The following B4GALNT2 variants were observed in gnomAD, a reference collection of about 807,000 sequenced individuals.
The protein encoded by B4GALNT2 is N-acetylneuraminylgalactosylglucosyl-glucoside beta-1,4-N- acetylgalactosaminyltransferase 2.
In B4GALNT2, 42 loss-of-function variants were observed where a neutral mutation model predicts 51.1. The observed-to-expected ratio is 0.82, with a 90% confidence interval of 0.64 to 1.06. The LOEUF (loss-of-function observed/expected upper bound fraction) is 1.06, where lower values mean the gene tolerates loss of function less well. B4GALNT2 is among the 50% of genes least tolerant of loss of function. The probability of loss-of-function intolerance (pLI) is 0.00; values close to 1 mark genes in which losing one functional copy is unlikely to be tolerated. For missense variants in B4GALNT2, 602 were observed against 633.6 expected, an observed-to-expected ratio of 0.95 and a Z score of 0.54; for synonymous variants, 253 against 251.7, an observed-to-expected ratio of 1.01 and a Z score of -0.05.
chr17:49,120,672 A>AT, the B4GALNT2 span, among the ~76,000 whole-genome samples: 6 of 150,830 alleles, frequency 4.0e-5, no homozygotes, highest in Non-Finnish European at 5.9e-5. Context: ...TGCCTGGCTA[A>AT]TTTTTTTTTG....
Position 49,171,959 on chromosome 17 carries a change from C to T in B4GALNT2, c.*2231C>T, listed in dbSNP as rs139413839. ...AACTGTGTCACACAGTGATTACATC[C>T]AGGCATTATTGCCAGCCAAGATTGA... On this transcript the variant is annotated 3_prime_UTR_variant, in exon 11 of 11. Coordinates refer to ENST00000393354, the MANE Select transcript of B4GALNT2 (RefSeq NM_001159387.2). 0.096 allele frequency: 25,602 copies of T among 265,416 alleles called. 1,560 individuals are homozygous for T. Among genetic ancestry groups the T allele is most frequent in the South Asian group, 0.17 (3,806 of 23,018 alleles). The allele number at this position is 265,416 out of a possible 1,614,324, so 16.4% of individuals were successfully genotyped here. A position where few individuals can be genotyped will look rare whatever the true frequency, so the allele number is the denominator to read the frequency against.
intron 1 of B4GALNT2, among the ~76,000 whole-genome samples, chr17:49,133,638 C>T (rs1311868165): frequency 2.6e-5 from 4 of 152,086 alleles, no homozygotes; most frequent in Admixed American, 1.3e-4. Flanking sequence ...TTTGGCCGGG[C>T]GCAGTGGCTC....
chr17:49,168,542 A>C, intron 9 of B4GALNT2, 139 bp from the exon 10 acceptor site: 1 of 872,756 alleles, frequency 1.1e-6, no homozygotes, highest in African/African-American at 1.7e-5. Flanking sequence ...CGAGGGAGTA[A>C]CTGAGGGATA....
intron 7 of B4GALNT2, 91 bp downstream of exon 7, chr17:49,160,732 T>C: frequency 8.1e-7 from 1 of 1,238,198 alleles, no homozygotes; most frequent in Middle Eastern, 1.9e-4. Flanking sequence ...CGGAGGAGAA[T>C]TGATCAAAAT....
At position 49,142,925 on chromosome 17, in the gene B4GALNT2, A is replaced by G. The variant is rs921044355; in HGVS notation, c.353+753A>G. Among the ~76,000 whole-genome samples, 9 of 152,272 alleles carry G rather than the reference A, an allele frequency of 5.9e-5. No homozygotes were observed. The East Asian group carries it at 1.7e-3, about 29-fold the overall frequency. On this transcript the variant is annotated intron_variant, in intron 3 of 10. Coordinates refer to ENST00000393354, the MANE Select transcript of B4GALNT2 (RefSeq NM_001159387.2). ...TAAATTACAAGGGGTGTCAACACTC[A>G]GGTGTATCAACCAGGGTTGTTGGTT...
At chr17:49,125,786 CGGG>C in the B4GALNT2 span, among the ~76,000 whole-genome samples, 3 of 102,394 alleles carry the variant, frequency 2.9e-5, no homozygotes, top group Non-Finnish European at 4.4e-5. Context: ...CCGCCCCGTC[CGGG>C]AGGTGAGGGG....
At chr17:49,152,365 G>A (rs1165618417) in intron 3 of B4GALNT2, among the ~76,000 whole-genome samples, 1 of 152,080 alleles carries the variant, frequency 6.6e-6, no homozygotes, top group East Asian at 1.9e-4. Flanking sequence ...GTGACAAAGT[G>A]AAACCCTGTC....
At chr17:49,141,526 GC>G in intron 2 of B4GALNT2, 79 bp downstream of exon 2, 1 of 1,458,430 alleles carries the variant, frequency 6.9e-7, no homozygotes, top group Non-Finnish European at 9.5e-7. Flanking sequence ...GCCCTACTGT[GC>G]CCATTGTACA....
At chr17:49,139,558 C>A (rs190147854) in intron 1 of B4GALNT2, among the ~76,000 whole-genome samples, 1 of 152,240 alleles carries the variant, frequency 6.6e-6, no homozygotes, top group Non-Finnish European at 1.5e-5. Context: ...TCTCAGTTGC[C>A]CAGGCTGTAA....
intron 1 of B4GALNT2, among the ~76,000 whole-genome samples, chr17:49,140,347 G>A (rs903833483): frequency 2.0e-5 from 3 of 152,126 alleles, no homozygotes; most frequent in South Asian, 2.1e-4. Flanking sequence ...TGATCCACCC[G>A]CCTTGGCCTC....
rs369424216 is a variant in B4GALNT2, at chr17:49,141,275, T to C, written c.43T>C (p.Leu15=). ...GSRFLWLLKI[L]VIILVLGIVG... ...GAGATTTCTGTGGCTCCTCAAGATA[T>C]TGGTCATAATCCTGGTACTTGGCAT... is the stretch of plus-strand genomic sequence containing the variant. The change falls in exon 2 of 11, where the codon TTG becomes CTG. Residue 15 remains leucine (L), a synonymous_variant. Transcript: ENST00000393354. 141 of 1,613,990 alleles carry C rather than the reference T, an allele frequency of 8.7e-5. No homozygotes were observed. Among genetic ancestry groups the C allele is most frequent in the Non-Finnish European group, 1.1e-4 (133 of 1,179,982 alleles).
chr17:49,139,671 G>A (rs1050217686), intron 1 of B4GALNT2, among the ~76,000 whole-genome samples: 8 of 152,012 alleles, frequency 5.3e-5, no homozygotes, highest in Admixed American at 2.0e-4. Context: ...CACATGCCAC[G>A]GTGCTTGGCT....
chr17:49,130,596 C>T (rs565916491), upstream of B4GALNT2, among the ~76,000 whole-genome samples: 1 of 152,338 alleles, frequency 6.6e-6, no homozygotes, highest in East Asian at 1.9e-4. Context: ...CAAGATCACA[C>T]CACTGCACTC....
intron 4 of B4GALNT2, among the ~76,000 whole-genome samples, chr17:49,153,727 C>T (rs566881242): frequency 1.3e-5 from 2 of 152,114 alleles, no homozygotes; most frequent in Admixed American, 6.5e-5. Flanking sequence ...AGGCTAGTCT[C>T]GAATTCCTGA....
intron 1 of B4GALNT2, chr17:49,133,286 C>G: frequency 7.0e-7 from 1 of 1,419,778 alleles, no homozygotes; most frequent in African/African-American, 1.5e-5. Flanking sequence ...GGCTTGGTCT[C>G]CTCCACAGTC....
rs188616624 is a variant in B4GALNT2, at chr17:49,133,038, G to T, written c.14+232G>T. The T allele has an allele frequency of 2.0e-6, 3 of 1,496,218 alleles. No individual in the cohort carries two copies. The East Asian group carries it at 8.1e-5, about 41-fold the overall frequency. 92.7% of individuals were successfully genotyped at this position (1,496,218 alleles called of 1,614,324 possible). On this transcript the variant is annotated intron_variant, in intron 1 of 10. Transcript: ENST00000393354. The stretch of plus-strand genomic sequence containing the variant: ...TGCACCCCCAGGAATGGGGAGCGCT[G>T]GCTTTTCCGTGGGAAAATTCCACGT...
At chr17:49,123,216 G>T in the B4GALNT2 span, among the ~76,000 whole-genome samples, 1 of 152,150 alleles carries the variant, frequency 6.6e-6, no homozygotes, top group African/African-American at 2.4e-5. Context: ...TAGACGTGGG[G>T]GCAAAGGATT....
At chr17:49,160,867 A>G (rs1365966154) in intron 7 of B4GALNT2, among the ~76,000 whole-genome samples, 1 of 152,218 alleles carries the variant, frequency 6.6e-6, no homozygotes, top group Non-Finnish European at 1.5e-5. Flanking sequence ...TGGGGAAAAA[A>G]GCTAAAAAAT....
At chr17:49,123,789 A>G in the B4GALNT2 span, among the ~76,000 whole-genome samples, 1 of 152,172 alleles carries the variant, frequency 6.6e-6, no homozygotes, top group East Asian at 1.9e-4. Context: ...ACAGATCAGA[A>G]ACCCTGTACA....
Sources: allele counts gnomAD v4.1 joint callset (sites outside exome capture counted in the v4.1 genomes callset), GRCh38; gene constraint gnomAD v4.1.1; transcripts MANE v1.5; gene names NCBI Gene and HGNC (gene_info 2026-07-23, HGNC 2026-07-21).